Variants in ARHGAP12 observed in about 807,000 individuals in gnomAD.
The protein encoded by ARHGAP12 is rho GTPase-activating protein 12.
In ARHGAP12, 64 loss-of-function variants were observed where a neutral mutation model predicts 108.6. The ratio of observed to expected loss-of-function variants is 0.59; its 90% confidence interval spans 0.48 to 0.73. ARHGAP12 has a LOEUF of 0.73. Among genes scored for constraint, ARHGAP12 ranks in the 30% least tolerant of loss-of-function variants. The pLI, the probability that ARHGAP12 is intolerant of heterozygous loss-of-function variation, is 0.00. For synonymous variants in ARHGAP12, 312 were observed against 337.2 expected (o/e 0.93, Z 0.82); for missense variants, 940 against 1,005.9 (o/e 0.93, Z 0.89).
intron 7 of ARHGAP12, among the ~76,000 whole-genome samples, chr10:31,842,888 C>G (rs1452245562): frequency 6.6e-6 from 1 of 152,058 alleles, no homozygotes; most frequent in African/African-American, 2.4e-5. Flanking sequence ...AACATCCATT[C>G]TAATGTTTGC....
At chr10:31,925,465 A>G (rs1343049441) in intron 1 of ARHGAP12, among the ~76,000 whole-genome samples, 2 of 152,226 alleles carry the variant, frequency 1.3e-5, no homozygotes, top group Admixed American at 6.5e-5. Context: ...AGTATGGTAC[A>G]TTTGTCATAT....
At chr10:31,808,335 G>A (rs1592236784) in intron 19 of ARHGAP12, 1 of 184,086 alleles carries the variant, frequency 5.4e-6, no homozygotes, top group Non-Finnish European at 1.1e-5. Flanking sequence ...GAACCATGAC[G>A]GTAACTTAAT....
At chr10:31,821,985 C>A (rs1436408476) in intron 11 of ARHGAP12, among the ~76,000 whole-genome samples, 3 of 151,946 alleles carry the variant, frequency 2.0e-5, no homozygotes, top group African/African-American at 4.8e-5. Context: ...TCATCATACA[C>A]GCTGTAGATG....
At position 31,826,327 on chromosome 10, in the gene ARHGAP12, T is replaced by C; in HGVS notation, c.1507A>G (p.Thr503Ala). ...ACCCAACTTGTGCTACTTCCTTGAG[T>C]TTTGGTAAAAAGTAAAGATGAACCC... is the stretch of plus-strand genomic sequence containing the variant. ...LQGSSLLFTK[T>A]QGSSTSWFGS... The change falls in exon 11 of 20, where the codon ACT becomes GCT. Residue 503 changes from threonine (T) to alanine (A), a missense_variant. By Grantham distance (58) the Thr-to-Ala change is moderately conservative (BLOSUM62 0). Transcript: ENST00000344936. 6.2e-7 allele frequency: 1 copy of C among 1,611,926 alleles called. No homozygotes were observed. The highest frequency in any genetic ancestry group is 1.7e-4 in the Middle Eastern group (1 of 6,046).
intron 11 of ARHGAP12, among the ~76,000 whole-genome samples, chr10:31,820,712 T>TTATATA (rs59605145): frequency 9.1e-4 from 108 of 118,266 alleles, no homozygotes; most frequent in African/African-American, 1.9e-3. Flanking sequence ...TTCCATCATA[T>TTATATA]TATATATATA....
intron 3 of ARHGAP12, among the ~76,000 whole-genome samples, chr10:31,884,039 G>A (rs1168030753): frequency 3.5e-5 from 5 of 142,922 alleles, no homozygotes; most frequent in Non-Finnish European, 6.0e-5. Flanking sequence ...GCCAAAAAAA[G>A]TTCCAATAAG....
At chr10:31,926,885 G>A (rs1361709379) in intron 1 of ARHGAP12, among the ~76,000 whole-genome samples, 2 of 152,162 alleles carry the variant, frequency 1.3e-5, no homozygotes, top group Non-Finnish European at 2.9e-5. Context: ...GAGATGCAAT[G>A]TATTGATAAT....
intron 3 of ARHGAP12, among the ~76,000 whole-genome samples, chr10:31,863,747 T>C (rs1365514889): frequency 3.9e-5 from 6 of 152,156 alleles, no homozygotes; most frequent in African/African-American, 1.4e-4. Context: ...GGAAATCTCA[T>C]ATTGTAATTC....
rs1257875493 is a variant in ARHGAP12 at position 31,831,451 on chromosome 10, G to GT, written c.1448+287dup. ...TTCACTCAATACTTAGTCTACCTTTGTTTTTTACCATGTGCATTTACTGCT... is the reference window on the plus strand; with the variant it reads ...TTCACTCAATACTTAGTCTACCTTTGTTTTTTTACCATGTGCATTTACTGCT... On this transcript the variant is annotated intron_variant, in intron 10 of 19. Transcript: ENST00000344936. Among the ~76,000 whole-genome samples the GT allele has an allele frequency of 2.0e-5, 3 of 151,584 alleles. No individual in the cohort carries two copies. The East Asian group carries it at 5.8e-4, about 29-fold the overall frequency.
chr10:31,861,957 A>C (rs910907249), intron 3 of ARHGAP12, among the ~76,000 whole-genome samples: 1 of 152,206 alleles, frequency 6.6e-6, no homozygotes, highest in East Asian at 1.9e-4. Flanking sequence ...AAGTTGTATG[A>C]TATTGGGTAA....
intron 4 of ARHGAP12, among the ~76,000 whole-genome samples, chr10:31,860,838 T>G (rs56659961): frequency 0.05 from 7,634 of 152,178 alleles, 639 homozygotes; most frequent in African/African-American, 0.17. Flanking sequence ...CCTAGCACTT[T>G]GGGAGGCTGA....
chr10:31,908,260 C>A lies in ARHGAP12; in HGVS notation c.596G>T (p.Cys199Phe), dbSNP rs146720470. The change falls in exon 3 of 20, where the codon TGT (cysteine) becomes TTT (phenylalanine). Residue 199 changes from cysteine to phenylalanine, a missense_variant. Coordinates refer to ENST00000344936, the MANE Select transcript of ARHGAP12 (RefSeq NM_018287.7). ...EKTSFSQEQSCDSAGEGSERI... is the reference protein window; with the variant it reads ...EKTSFSQEQSFDSAGEGSERI... Reference sequence around the variant, plus strand: ...TTCAGAGCCTTCTCCTGCGGAATCACAAGATTGTTCCTGGGAGAAGCTAGT... The same window carrying A: ...TTCAGAGCCTTCTCCTGCGGAATCAAAAGATTGTTCCTGGGAGAAGCTAGT... The A allele has an allele frequency of 1.2e-6, 2 of 1,613,938 alleles. No homozygotes were observed. Among genetic ancestry groups the A allele is most frequent in the Non-Finnish European group, 1.7e-6 (2 of 1,180,036 alleles).
chr10:31,830,461 C>A (rs1430244607), intron 10 of ARHGAP12, among the ~76,000 whole-genome samples: 1 of 151,916 alleles, frequency 6.6e-6, no homozygotes, highest in Non-Finnish European at 1.5e-5. Context: ...ACTACATATT[C>A]CCAAAATGGA....
intron 3 of ARHGAP12, among the ~76,000 whole-genome samples, chr10:31,892,511 A>G (rs1838491557): frequency 2.0e-5 from 3 of 152,246 alleles, no homozygotes; most frequent in Non-Finnish European, 1.5e-5. Flanking sequence ...AAAGAAGGCA[A>G]TTACATAATG....
Position 31,809,324 on chromosome 10 carries a change from A to G in ARHGAP12, c.2051-17T>C, listed in dbSNP as rs1256319772. The G allele has an allele frequency of 6.2e-7, 1 of 1,609,056 alleles. No individual in the cohort carries two copies. Among genetic ancestry groups the G allele is most frequent in the African/African-American group, 1.3e-5 (1 of 74,772 alleles). ...TATCCAAACCTAAGAGACAATAATA[A>G]TTTGTGTGTGTGTGTGTTTAAAGTA... On this transcript the variant is annotated splice_polypyrimidine_tract_variant and intron_variant, in intron 16 of 19. Transcript: ENST00000344936.
chr10:31,871,201 CTT>C (rs1837530491), intron 3 of ARHGAP12, among the ~76,000 whole-genome samples: 1 of 152,180 alleles, frequency 6.6e-6, no homozygotes. Flanking sequence ...ACAAGCAACA[CTT>C]TATTGTTCTT....
chr10:31,815,179 T>A (rs532481097), intron 13 of ARHGAP12, among the ~76,000 whole-genome samples: 128 of 151,762 alleles, frequency 8.4e-4, no homozygotes, highest in Non-Finnish European at 1.6e-3. Context: ...AGCTCATCTA[T>A]AACTAAGGTC....
chr10:31,862,730 A>G (rs1837172319), intron 3 of ARHGAP12, among the ~76,000 whole-genome samples: 1 of 150,728 alleles, frequency 6.6e-6, no homozygotes, highest in African/African-American at 2.4e-5. Context: ...ACACACACAC[A>G]CACACACACA....
chr10:31,819,964 A>G (rs1326421355), intron 12 of ARHGAP12, among the ~76,000 whole-genome samples: 1 of 152,158 alleles, frequency 6.6e-6, no homozygotes, highest in Non-Finnish European at 1.5e-5. Context: ...TTAAAAAAAA[A>G]AAAGGCCTTT....
Sources: gnomAD v4.1 joint callset for allele counts (sites outside exome capture counted in the v4.1 genomes callset) on GRCh38, gnomAD v4.1.1 for gene constraint, MANE v1.5 for transcripts, NCBI Gene and HGNC (gene_info 2026-07-23, HGNC 2026-07-21) for gene names.